Variants in GEN1 observed in about 807,000 individuals in gnomAD.
GEN1 encodes GEN1 structure-specific endonuclease, also known as flap endonuclease GEN homolog 1.
GEN1 carries 64 observed loss-of-function variants against 67.6 expected under a neutral mutation model. That is an observed-to-expected ratio of 0.95 (90% CI 0.77 to 1.17). The LOEUF (loss-of-function observed/expected upper bound fraction) is 1.17, where lower values mean the gene tolerates loss of function less well. Ranked by LOEUF, GEN1 falls within the 50% of genes most tolerant of loss-of-function variation. The pLI, the probability that GEN1 is intolerant of heterozygous loss-of-function variation, is 0.00. For missense variants in GEN1, 1,058 were observed against 1,048.3 expected (o/e 1.01, Z -0.13); for synonymous variants, 371 against 359.4 (o/e 1.03, Z -0.37).
chr2:17,765,141 GAA>G, intron 4 of GEN1, 68 bp downstream of exon 4: 1 of 1,430,040 alleles, frequency 7.0e-7, no homozygotes, highest in South Asian at 1.2e-5. Context: ...CTGATTAAAT[GAA>G]ATAGTAGATA....
At chr2:17,757,700 T>G (rs1671495645) in intron 1 of GEN1, among the ~76,000 whole-genome samples, 1 of 152,226 alleles carries the variant, frequency 6.6e-6, no homozygotes, top group Non-Finnish European at 1.5e-5. Flanking sequence ...TGAAGTAGTA[T>G]TTAATATTCA....
chr2:17,769,278 A>G (rs1270537833), intron 6 of GEN1, among the ~76,000 whole-genome samples: 6 of 151,634 alleles, frequency 4.0e-5, no homozygotes, highest in South Asian at 2.1e-4. Flanking sequence ...GGGTCTCCCT[A>G]TGTTGCCCAG....
intron 12 of GEN1, 25 bp from the exon 13 acceptor site, chr2:17,779,953 C>T (rs373541523): frequency 6.3e-6 from 10 of 1,579,388 alleles, no homozygotes; most frequent in Admixed American, 3.4e-5. Flanking sequence ...ATTAAGGACA[C>T]TTTGCTGTAT....
At chr2:17,755,397 T>G in intron 1 of GEN1, 1 of 152,354 alleles carries the variant, frequency 6.6e-6, no homozygotes, top group African/African-American at 2.4e-5. Context: ...TGATCTTCCA[T>G]TATTGTATCT....
rs1403304590 is a variant in GEN1, at chr2:17,784,015, C to G, written c.*2076C>G. The G allele has an allele frequency of 6.6e-6, 1 of 152,102 alleles. No homozygotes were observed. The highest frequency in any genetic ancestry group is 6.6e-5 in the Admixed American group (1 of 15,258). The allele number at this position is 152,102 out of a possible 1,614,324, so 9.4% of individuals were successfully genotyped here. ...AACTGGACTTCATCAAAACTAAAAA[C>G]TGTTGTTTGAAATGACACCATCAAG... On this transcript the variant is annotated 3_prime_UTR_variant, in exon 14 of 14. Coordinates refer to ENST00000381254, the MANE Select transcript of GEN1 (RefSeq NM_001130009.3).
Position 17,772,796 on chromosome 2 carries a change from T to A in GEN1, c.953+12T>A, listed in dbSNP as rs767087056. ...AACAATATTAAGAAGTAAGTTTTTT[T>A]AAAAACTCATGATTTTTCCTGGCAT... is the stretch of plus-strand genomic sequence containing the variant. On this transcript the variant is annotated intron_variant, in intron 8 of 13. Transcript: ENST00000381254. 6.1e-5 allele frequency: 98 copies of A among 1,593,880 alleles called. 1 individual carries two copies. Among genetic ancestry groups the A allele is most frequent in the African/African-American group, 2.3e-4 (17 of 74,136 alleles).
intron 4 of GEN1, among the ~76,000 whole-genome samples, chr2:17,765,428 T>C (rs1671881087): frequency 6.6e-6 from 1 of 152,244 alleles, no homozygotes; most frequent in Non-Finnish European, 1.5e-5. Flanking sequence ...TATAAAGATG[T>C]TCAATGTAGC....
At chr2:17,764,298 G>A (rs1009056812) in intron 3 of GEN1, among the ~76,000 whole-genome samples, 1 of 152,200 alleles carries the variant, frequency 6.6e-6, no homozygotes, top group Non-Finnish European at 1.5e-5. Flanking sequence ...CTGTATGATA[G>A]CATCTTCTTT....
rs763151362 is a variant in GEN1, at chr2:17,781,415, T to TCTAAAATTCTAAAAGGAGA, written c.2205_2223dup (p.Gln742Ter). On this transcript the variant is annotated frameshift_variant, in exon 14 of 14. Coordinates refer to ENST00000381254, the MANE Select transcript of GEN1 (RefSeq NM_001130009.3). LOFTEE classifies it low-confidence loss of function (END_TRUNC). The stretch of plus-strand genomic sequence containing the variant: ...TCCCTTGCAAAATGAATCCAGAGAC[T>TCTAAAATTCTAAAAGGAGA]CTAAAATTCTAAAAGGAGACCAGCT... The TCTAAAATTCTAAAAGGAGA allele has an allele frequency of 2.5e-6, 4 of 1,613,648 alleles. No homozygotes were observed. Among genetic ancestry groups the TCTAAAATTCTAAAAGGAGA allele is most frequent in the Non-Finnish European group, 2.5e-6 (3 of 1,179,896 alleles).
chr2:17,774,968 G>A (rs965474041), intron 11 of GEN1, among the ~76,000 whole-genome samples: 1 of 152,136 alleles, frequency 6.6e-6, no homozygotes, highest in Non-Finnish European at 1.5e-5. Context: ...AAAGAGACTA[G>A]AGAGATAGAA....
rs988898313 is a variant in GEN1 at position 17,783,341 on chromosome 2, G to C, written c.*1402G>C. On this transcript the variant is annotated 3_prime_UTR_variant, in exon 14 of 14. Transcript: ENST00000381254. Reference sequence around the variant, plus strand: ...CCCAGAGTGCTGGGATTACAGGTGTGAATCACCATACTCAGCCTCAATTGT... The same window carrying C: ...CCCAGAGTGCTGGGATTACAGGTGTCAATCACCATACTCAGCCTCAATTGT... 6.6e-6 allele frequency: 1 copy of C among 152,198 alleles called. No individual in the cohort carries two copies. Among genetic ancestry groups the C allele is most frequent in the Non-Finnish European group, 1.5e-5 (1 of 68,048 alleles). 9.4% of individuals were successfully genotyped at this position (152,198 alleles called of 1,614,324 possible).
At chr2:17,768,092 C>T (rs979607311) in intron 5 of GEN1, among the ~76,000 whole-genome samples, 2 of 152,156 alleles carry the variant, frequency 1.3e-5, no homozygotes, top group Admixed American at 6.5e-5. Context: ...CCAGTTAACA[C>T]GAGTGTGTAA....
intron 6 of GEN1, among the ~76,000 whole-genome samples, chr2:17,769,561 T>C (rs1672091822): frequency 1.3e-5 from 2 of 152,180 alleles, no homozygotes; most frequent in Admixed American, 1.3e-4. Flanking sequence ...TGTATTTTCT[T>C]TCTATAAATG....
At chr2:17,777,587 A>G (rs768312231) in intron 11 of GEN1, among the ~76,000 whole-genome samples, 1 of 152,312 alleles carries the variant, frequency 6.6e-6, no homozygotes. Flanking sequence ...CTCACCTATT[A>G]AAAGACAGAT....
intron 11 of GEN1, among the ~76,000 whole-genome samples, chr2:17,775,122 G>C (rs1672368198): frequency 6.6e-6 from 1 of 152,186 alleles, no homozygotes; most frequent in Admixed American, 6.5e-5. Flanking sequence ...TTTATGCAAG[G>C]GGTGGGTGTG....
Position 17,771,266 on chromosome 2 carries a change from T to C in GEN1, c.781T>C (p.Cys261Arg), listed in dbSNP as rs779077977. The C allele has an allele frequency of 3.8e-6, 6 of 1,599,600 alleles. No homozygotes were observed. Among genetic ancestry groups the C allele is most frequent in the South Asian group, 3.3e-5 (3 of 90,780 alleles). ...GCTAGTCACTAAAAAACTGGCTCAT[T>C]GTTCCGTATGTTCCCATCCAGGTAA... is the stretch of plus-strand genomic sequence containing the variant. ...QLLVTKKLAH[C>R]SVCSHPGSPK... Residue 261 changes from cysteine (C) to arginine (R), a missense_variant, in exon 7 of 14, where the codon TGT becomes CGT. Physicochemically the swap from Cys to Arg is radical, Grantham distance 180. Coordinates refer to ENST00000381254, the MANE Select transcript of GEN1 (RefSeq NM_001130009.3).
chr2:17,771,217 A>T lies in GEN1; in HGVS notation c.732A>T (p.Thr244=). 2 of 1,611,284 alleles carry T rather than the reference A, an allele frequency of 1.2e-6. No homozygotes were observed. The highest frequency in any genetic ancestry group is 1.7e-6 in the Non-Finnish European group (2 of 1,177,738). Residue 244 remains threonine, a synonymous_variant, in exon 7 of 14, where the codon ACA becomes ACT. Transcript: ENST00000381254. The part of the protein sequence containing the change: ...LLQRFNRWNE[T]SCNSSPQLLV... Reference sequence around the variant, plus strand: ...AAAGGTTTAATCGGTGGAATGAAACATCTTGTAACTCTAGTCCACAACTGC... The same window carrying T: ...AAAGGTTTAATCGGTGGAATGAAACTTCTTGTAACTCTAGTCCACAACTGC...
At chr2:17,764,126 T>C (rs1457242763) in intron 3 of GEN1, among the ~76,000 whole-genome samples, 1 of 152,230 alleles carries the variant, frequency 6.6e-6, no homozygotes, top group African/African-American at 2.4e-5. Context: ...CAGCAAATTA[T>C]TTGTGCATCA....
intron 2 of GEN1, among the ~76,000 whole-genome samples, chr2:17,760,903 CAG>C (rs1390201119): frequency 6.8e-6 from 1 of 146,788 alleles, no homozygotes; most frequent in African/African-American, 2.6e-5. Flanking sequence ...GCCTGGGCAA[CAG>C]AGTGAGACTC....
Sources: allele counts gnomAD v4.1 joint callset (sites outside exome capture counted in the v4.1 genomes callset), GRCh38; gene constraint gnomAD v4.1.1; transcripts MANE v1.5; gene names NCBI Gene and HGNC (gene_info 2026-07-23, HGNC 2026-07-21).